The following RAB38 variants were observed in gnomAD, a reference collection of about 807,000 sequenced individuals.
RAB38 encodes RAB38, member RAS oncogene family.
Under a neutral mutation model 18.4 loss-of-function variants are expected in RAB38, and 15 were observed. The ratio of observed to expected loss-of-function variants is 0.82; its 90% CI spans 0.55 to 1.26. The LOEUF is 1.26. RAB38 is among the 50% of genes most tolerant of loss of function. The probability of loss-of-function intolerance (pLI) is 0.00; values close to 1 mark genes in which losing one functional copy is unlikely to be tolerated. For missense variants in RAB38, 294 were observed against 267.4 expected, an observed-to-expected ratio of 1.10 and a Z score of -0.69; for synonymous variants, 101 against 104.4, an observed-to-expected ratio of 0.97 and a Z score of 0.20.
chr11:88,109,949 C>T (rs191567240), downstream of RAB38, among the ~76,000 whole-genome samples: 926 of 152,168 alleles, frequency 6.1e-3, 10 homozygotes, highest in African/African-American at 0.021. Context: ...CCATTGTGGA[C>T]GACAGTGTGG....
the RAB38 span, among the ~76,000 whole-genome samples, chr11:87,953,368 A>C: frequency 6.6e-6 from 1 of 151,788 alleles, no homozygotes; most frequent in Non-Finnish European, 1.5e-5. Context: ...CTTTTTAGTC[A>C]TAAAACAAGT....
At chr11:88,052,924 A>T in the RAB38 span, among the ~76,000 whole-genome samples, 518 of 24,640 alleles carry the variant, frequency 0.021, 57 homozygotes, top group African/African-American at 0.1. Flanking sequence ...ATATATATAT[A>T]TATATATATA....
At chr11:88,149,286 A>C (rs375532983) in intron 2 of RAB38, among the ~76,000 whole-genome samples, 1 of 152,362 alleles carries the variant, frequency 6.6e-6, no homozygotes, top group Non-Finnish European at 1.5e-5. Flanking sequence ...TTAAATATTG[A>C]TTGTGTAAAT....
chr11:87,973,882 G>T, the RAB38 span, among the ~76,000 whole-genome samples: 1 of 151,866 alleles, frequency 6.6e-6, no homozygotes, highest in Admixed American at 6.6e-5. Flanking sequence ...CACATTAAGA[G>T]TCACCCCATG....
the RAB38 span, among the ~76,000 whole-genome samples, chr11:88,067,855 T>C: frequency 4.6e-5 from 7 of 151,686 alleles, no homozygotes; most frequent in Non-Finnish European, 1.0e-4. Context: ...CCGTGGCACA[T>C]GTATACCTAT....
the RAB38 span, among the ~76,000 whole-genome samples, chr11:87,896,160 G>A: frequency 6.6e-6 from 1 of 151,686 alleles, no homozygotes. Flanking sequence ...AAGTCAGACA[G>A]AGCTGAATTA....
At chr11:88,162,194 T>C (rs1299427460) in intron 1 of RAB38, among the ~76,000 whole-genome samples, 1 of 152,122 alleles carries the variant, frequency 6.6e-6, no homozygotes, top group Non-Finnish European at 1.5e-5. Context: ...CTGGCGGTGG[T>C]TCAGAAACAC....
downstream of RAB38, among the ~76,000 whole-genome samples, chr11:88,110,461 T>C (rs1192482224): frequency 6.6e-6 from 1 of 152,080 alleles, no homozygotes; most frequent in Non-Finnish European, 1.5e-5. Flanking sequence ...CCATGGCACA[T>C]GTATACCTAT....
chr11:87,819,734 G>A, the RAB38 span, among the ~76,000 whole-genome samples: 1 of 125,434 alleles, frequency 8.0e-6, no homozygotes, highest in African/African-American at 3.3e-5. Context: ...GTATATATAT[G>A]TGTATATATA....
downstream of RAB38, among the ~76,000 whole-genome samples, chr11:88,111,668 C>G (rs1942475661): frequency 6.6e-6 from 1 of 152,102 alleles, no homozygotes; most frequent in South Asian, 2.1e-4. Context: ...ACTTAATGAC[C>G]CTTAAATATG....
chr11:87,891,281 G>C, the RAB38 span, among the ~76,000 whole-genome samples: 1 of 151,710 alleles, frequency 6.6e-6, no homozygotes, highest in Non-Finnish European at 1.5e-5. Context: ...TGACAAAAAA[G>C]GAACTTTACA....
chr11:87,891,906 AGCCCT>A, the RAB38 span, among the ~76,000 whole-genome samples: 1 of 151,822 alleles, frequency 6.6e-6, no homozygotes, highest in Non-Finnish European at 1.5e-5. Context: ...CTCCTCCCAC[AGCCCT>A]GTGTACACAA....
chr11:88,025,031 A>G, the RAB38 span, among the ~76,000 whole-genome samples: 2 of 152,152 alleles, frequency 1.3e-5, no homozygotes, highest in African/African-American at 2.4e-5. Flanking sequence ...TGGATTGTTT[A>G]TAACACAAAG....
chr11:88,174,901 C>G (rs1265580309), intron 1 of RAB38, among the ~76,000 whole-genome samples: 1 of 152,252 alleles, frequency 6.6e-6, no homozygotes, highest in Non-Finnish European at 1.5e-5. Flanking sequence ...AATGCAATTG[C>G]AGACAATCTT....
chr11:88,093,899 T>TA, the RAB38 span, among the ~76,000 whole-genome samples: 1 of 151,906 alleles, frequency 6.6e-6, no homozygotes, highest in East Asian at 1.9e-4. Flanking sequence ...CCACTTTTTC[T>TA]AAAAGATATA....
the RAB38 span, among the ~76,000 whole-genome samples, chr11:87,872,413 G>C: frequency 6.6e-6 from 1 of 151,460 alleles, no homozygotes; most frequent in African/African-American, 2.4e-5. Flanking sequence ...CTGCACCTGG[G>C]TAGTACATTT....
At chr11:87,832,454 T>C in the RAB38 span, among the ~76,000 whole-genome samples, 552 of 152,308 alleles carry the variant, frequency 3.6e-3, 3 homozygotes, top group African/African-American at 0.013. Context: ...TGGGCTCTTA[T>C]TGGACGGCTT....
the RAB38 span, among the ~76,000 whole-genome samples, chr11:88,014,447 T>C: frequency 0.25 from 38,113 of 152,034 alleles, 5,976 homozygotes; most frequent in Non-Finnish European, 0.35. Flanking sequence ...ATTATCCTAA[T>C]TTAAGAGACC....
At chr11:87,875,345 GA>G in the RAB38 span, among the ~76,000 whole-genome samples, 1 of 151,116 alleles carries the variant, frequency 6.6e-6, no homozygotes. Flanking sequence ...GTAAAGGTGA[GA>G]AAAATAAAAT....
Sources: allele counts gnomAD v4.1 joint callset (sites outside exome capture counted in the v4.1 genomes callset), GRCh38; gene constraint gnomAD v4.1.1; transcripts MANE v1.5; gene names NCBI Gene and HGNC (gene_info 2026-07-23, HGNC 2026-07-21).